Variants in CPNE5 observed in about 807,000 individuals in gnomAD.
CPNE5 encodes copine 5.
In CPNE5, 42 loss-of-function variants were observed where a neutral mutation model predicts 81.1. The ratio of observed to expected loss-of-function variants is 0.52; its 90% CI spans 0.40 to 0.67. The LOEUF (loss-of-function observed/expected upper bound fraction) is 0.67. Ranked by LOEUF, CPNE5 falls within the 30% of genes least tolerant of loss-of-function variation. The probability of loss-of-function intolerance (pLI) is 0.00; values close to 1 mark genes in which losing one functional copy is unlikely to be tolerated. For missense variants in CPNE5, 612 were observed against 815.5 expected (o/e 0.75, Z 3.04); for synonymous variants, 313 against 321.5 (o/e 0.97, Z 0.28).
chr6:36,778,464 G>C (rs930812746), intron 9 of CPNE5, among the ~76,000 whole-genome samples: 3 of 152,304 alleles, frequency 2.0e-5, no homozygotes, highest in East Asian at 1.9e-4. Context: ...AGGACAGGGG[G>C]CTGGGCTTGG....
chr6:36,800,317 G>T (rs1380410980), intron 3 of CPNE5, among the ~76,000 whole-genome samples: 3 of 152,162 alleles, frequency 2.0e-5, no homozygotes, highest in Non-Finnish European at 4.4e-5. Flanking sequence ...CAAGCTGATG[G>T]TCTTAATACC....
At chr6:36,743,566 T>G (rs111847626) in intron 20 of CPNE5, 123 bp downstream of exon 20, 2 of 949,658 alleles carry the variant, frequency 2.1e-6, no homozygotes, top group Non-Finnish European at 3.3e-6. Context: ...CTGGGCCACT[T>G]TGGGGCTCCC....
chr6:36,745,636 G>C (rs1031465988), intron 16 of CPNE5, 121 bp from the exon 17 acceptor site: 6 of 1,151,904 alleles, frequency 5.2e-6, no homozygotes, highest in Non-Finnish European at 7.2e-6. Flanking sequence ...CTTCTCTGGT[G>C]TGGGGTGGCG....
At chr6:36,755,795 G>C (rs236445) in intron 13 of CPNE5, 104,272 of 167,702 alleles carry the variant, frequency 0.62, 32,747 homozygotes, top group Non-Finnish European at 0.66. Flanking sequence ...GTCATGTTGA[G>C]TCCCATCTCT....
intron 3 of CPNE5, among the ~76,000 whole-genome samples, chr6:36,817,482 G>C (rs1582999161): frequency 6.6e-6 from 1 of 152,200 alleles, no homozygotes; most frequent in Middle Eastern, 3.4e-3. Context: ...GGACCCTTCT[G>C]CTCTGACATT....
chr6:36,825,153 T>C (rs1561824430), intron 1 of CPNE5, among the ~76,000 whole-genome samples: 1 of 152,156 alleles, frequency 6.6e-6, no homozygotes, highest in East Asian at 1.9e-4. Context: ...AGTGACAGCC[T>C]GTCGGGCAAC....
intron 13 of CPNE5, 172 bp downstream of exon 13, chr6:36,756,073 C>T: frequency 1.6e-6 from 1 of 607,142 alleles, no homozygotes; most frequent in Non-Finnish European, 2.9e-6. Context: ...CAACTCTCTC[C>T]CCTGGCTGTT....
intron 8 of CPNE5, among the ~76,000 whole-genome samples, chr6:36,779,942 C>T (rs146587032): frequency 1.4e-3 from 207 of 151,590 alleles, no homozygotes; most frequent in African/African-American, 4.8e-3. Flanking sequence ...GGGGTCACTC[C>T]GCTCCCTCAC....
intron 9 of CPNE5, among the ~76,000 whole-genome samples, chr6:36,777,777 CA>C (rs1767676373): frequency 1.2e-4 from 5 of 40,640 alleles, no homozygotes; most frequent in South Asian, 7.9e-4. Flanking sequence ...CACACACACA[CA>C]CACACACACA....
At chr6:36,781,708 G>A (rs1235411077) in intron 8 of CPNE5, among the ~76,000 whole-genome samples, 2 of 152,182 alleles carry the variant, frequency 1.3e-5, no homozygotes, top group Non-Finnish European at 2.9e-5. Context: ...AAATTGTGGG[G>A]CCCAGAGCAA....
At chr6:36,769,914 T>C (rs1165688119) in intron 10 of CPNE5, among the ~76,000 whole-genome samples, 3 of 152,176 alleles carry the variant, frequency 2.0e-5, no homozygotes, top group Non-Finnish European at 4.4e-5. Context: ...CGGTGACTCC[T>C]TTCCTCTCTC....
intron 3 of CPNE5, among the ~76,000 whole-genome samples, chr6:36,814,919 C>A (rs1771405232): frequency 6.6e-6 from 1 of 152,132 alleles, no homozygotes. Flanking sequence ...GTATTCCCAG[C>A]ACTTTGGGAG....
intron 14 of CPNE5, among the ~76,000 whole-genome samples, chr6:36,749,996 AC>A (rs1764630342): frequency 6.6e-6 from 1 of 152,210 alleles, no homozygotes; most frequent in Non-Finnish European, 1.5e-5. Flanking sequence ...TAGAATCACT[AC>A]GGGTGCTTGC....
At chr6:36,831,638 C>CAAA (rs35409136) in intron 1 of CPNE5, among the ~76,000 whole-genome samples, 953 of 83,580 alleles carry the variant, frequency 0.011, 62 homozygotes, top group African/African-American at 0.034. Flanking sequence ...GACACCATCT[C>CAAA]AAAAAAAAAA....
At chr6:36,742,706 C>T (rs1283759352) in intron 20 of CPNE5, 2 of 985,250 alleles carry the variant, frequency 2.0e-6, no homozygotes, top group African/African-American at 3.5e-5. Context: ...ATTCACTCGA[C>T]AAAAACTGAG....
intron 11 of CPNE5, among the ~76,000 whole-genome samples, chr6:36,764,326 T>C (rs1179124487): frequency 2.0e-5 from 3 of 151,914 alleles, no homozygotes; most frequent in African/African-American, 7.3e-5. Flanking sequence ...GGGGAGGGCA[T>C]AGCGGCTCTG....
chr6:36,834,724 C>T (rs1773317383), intron 1 of CPNE5, among the ~76,000 whole-genome samples: 1 of 152,026 alleles, frequency 6.6e-6, no homozygotes, highest in African/African-American at 2.4e-5. Flanking sequence ...AAGTGCCTAG[C>T]ATGCAGTAGG....
intron 11 of CPNE5, 59 bp from the exon 12 acceptor site, chr6:36,763,051 C>T: frequency 6.8e-7 from 1 of 1,463,866 alleles, no homozygotes. Context: ...TCTGCCCAGC[C>T]CCAGCCTTGC....
chr6:36,765,098 C>G (rs1766433924), intron 11 of CPNE5, among the ~76,000 whole-genome samples: 1 of 152,212 alleles, frequency 6.6e-6, no homozygotes. Context: ...TCTTATGCCC[C>G]TCACACCATA....
Sources: gnomAD v4.1 joint callset for allele counts (sites outside exome capture counted in the v4.1 genomes callset) on GRCh38, gnomAD v4.1.1 for gene constraint, MANE v1.5 for transcripts, NCBI Gene and HGNC (gene_info 2026-07-23, HGNC 2026-07-21) for gene names.